NRG3: variants seen among roughly 807,000 people sequenced by gnomAD.
NRG3 encodes the protein pro-neuregulin-3, membrane-bound isoform.
A neutral mutation model predicts 66.9 loss-of-function variants in NRG3; 31 were observed. The observed-to-expected ratio is 0.46, with a 90% CI of 0.35 to 0.63. The LOEUF is 0.63. NRG3 is among the 20% of genes least tolerant of loss of function. The pLI is 0.00. For synonymous variants in NRG3, 393 were observed against 359.4 expected (o/e 1.09, Z -1.06); for missense variants, 910 against 878.9 (o/e 1.04, Z -0.45).
At chr10:82,725,912 A>C (rs576534615) in intron 2 of NRG3, among the ~76,000 whole-genome samples, 20 of 152,218 alleles carry the variant, frequency 1.3e-4, no homozygotes, top group African/African-American at 4.8e-4. Context: ...ACTGCTATTC[A>C]CACGGTGAAG....
intron 1 of NRG3, among the ~76,000 whole-genome samples, chr10:81,876,850 C>A (rs987511769): frequency 6.6e-6 from 1 of 152,016 alleles, no homozygotes; most frequent in African/African-American, 2.4e-5. Context: ...ATTCTGTGAC[C>A]GCCGAGAGTG....
intron 1 of NRG3, among the ~76,000 whole-genome samples, chr10:82,261,495 C>T (rs754148039): frequency 3.3e-5 from 5 of 152,046 alleles, no homozygotes; most frequent in African/African-American, 9.7e-5. Flanking sequence ...CTTAACCCAG[C>T]GGCGCTAGAG....
chr10:82,057,438 G>A (rs1480652905), intron 1 of NRG3, among the ~76,000 whole-genome samples: 9 of 151,876 alleles, frequency 5.9e-5, no homozygotes, highest in Non-Finnish European at 1.3e-4. Flanking sequence ...CTGCCTACAC[G>A]TATACATGGC....
chr10:82,196,998 A>G (rs2074485310), intron 1 of NRG3, among the ~76,000 whole-genome samples: 1 of 152,320 alleles, frequency 6.6e-6, no homozygotes, highest in East Asian at 1.9e-4. Flanking sequence ...GTGAGTAGAA[A>G]TAGAAGCCAG....
At chr10:82,823,749 T>A (rs1468444989) in intron 3 of NRG3, among the ~76,000 whole-genome samples, 1 of 152,132 alleles carries the variant, frequency 6.6e-6, no homozygotes, top group Admixed American at 6.5e-5. Context: ...AATTTTATCT[T>A]CAGAGTAACC....
chr10:82,174,526 T>A lies in NRG3; in HGVS notation c.824-184213T>A, dbSNP rs543509994. Among the ~76,000 whole-genome samples the A allele has an allele frequency of 7.0e-4, 107 of 152,158 alleles. 2 individuals carry two copies. In the South Asian group the frequency reaches 0.022, roughly 31 times the overall value. On this transcript the variant is annotated intron_variant, in intron 1 of 8. Transcript: ENST00000372141. ...CTTCTGTTTGTTTTAAGTTTAGAAATCCCACCTGTATTCAAGATCTCATTC... is the reference window on the plus strand; with the variant it reads ...CTTCTGTTTGTTTTAAGTTTAGAAAACCCACCTGTATTCAAGATCTCATTC...
chr10:82,698,457 A>G (rs548182950), intron 2 of NRG3, among the ~76,000 whole-genome samples: 1 of 152,324 alleles, frequency 6.6e-6, no homozygotes, highest in Admixed American at 6.5e-5. Context: ...AAATAATACC[A>G]TGATAAAATA....
In NRG3 at chr10:82,659,115, G is replaced by A. The variant is rs1358159612; in HGVS notation, c.954-79462G>A. Among the ~76,000 whole-genome samples, 6 of 152,206 alleles carry A rather than the reference G, an allele frequency of 3.9e-5. No homozygotes were observed. In the East Asian group the frequency reaches 7.7e-4, roughly 20 times the overall value. On this transcript the variant is annotated intron_variant, in intron 2 of 8. Transcript: ENST00000372141. ...GAAATCTGGGAGTGGATTTATTACC[G>A]GAGACATAAGGAAAGAAATATAATA... is the stretch of plus-strand genomic sequence containing the variant.
intron 1 of NRG3, among the ~76,000 whole-genome samples, chr10:82,345,862 G>T (rs2082984907): frequency 1.3e-5 from 2 of 151,250 alleles, no homozygotes; most frequent in African/African-American, 4.8e-5. Context: ...TTGGCTCTCT[G>T]TTTATCTGTT....
chr10:82,269,875 G>T (rs1009372937), intron 1 of NRG3, among the ~76,000 whole-genome samples: 7 of 152,176 alleles, frequency 4.6e-5, no homozygotes, highest in African/African-American at 1.7e-4. Context: ...CGGATTTCCT[G>T]CACAAGTCTG....
chr10:82,113,398 A>G (rs1263915712), intron 1 of NRG3, among the ~76,000 whole-genome samples: 1 of 152,196 alleles, frequency 6.6e-6, no homozygotes, highest in East Asian at 1.9e-4. Context: ...GATGGAGACC[A>G]TGCCAAACAT....
chr10:82,540,130 G>GT (rs1458277256), intron 2 of NRG3, among the ~76,000 whole-genome samples: 8 of 150,056 alleles, frequency 5.3e-5, no homozygotes, highest in Admixed American at 3.3e-4. Context: ...TTGCTGCTTT[G>GT]TTTTTTTCAG....
At chr10:82,690,988 TCTC>T (rs1309672433) in intron 2 of NRG3, among the ~76,000 whole-genome samples, 1 of 152,150 alleles carries the variant, frequency 6.6e-6, no homozygotes, top group African/African-American at 2.4e-5. Flanking sequence ...TTCTCCTTCT[TCTC>T]CTCCTCTTTC....
At chr10:82,967,073 G>A (rs1415438001) in intron 6 of NRG3, among the ~76,000 whole-genome samples, 1 of 151,210 alleles carries the variant, frequency 6.6e-6, no homozygotes, top group Non-Finnish European at 1.5e-5. Flanking sequence ...GAAGCTAGGT[G>A]TGTATGTTAT....
chr10:82,867,986 T>G (rs986672158), intron 4 of NRG3, among the ~76,000 whole-genome samples: 1 of 152,130 alleles, frequency 6.6e-6, no homozygotes, highest in Non-Finnish European at 1.5e-5. Flanking sequence ...GCCCCACTAG[T>G]CTGTGGTGAT....
chr10:82,886,281 C>G (rs549407359), intron 4 of NRG3, among the ~76,000 whole-genome samples: 95 of 140,418 alleles, frequency 6.8e-4, no homozygotes, highest in Admixed American at 6.3e-3. Context: ...CATATGCCCT[C>G]AATTTCCCTT....
chr10:82,038,299 C>T (rs909644335), intron 1 of NRG3, among the ~76,000 whole-genome samples: 5 of 152,100 alleles, frequency 3.3e-5, no homozygotes, highest in African/African-American at 4.8e-5. Flanking sequence ...TGTCTATACA[C>T]GGGATCACAT....
intron 4 of NRG3, among the ~76,000 whole-genome samples, chr10:82,894,124 A>G (rs1010644235): frequency 1.3e-5 from 2 of 152,236 alleles, no homozygotes; most frequent in Non-Finnish European, 2.9e-5. Context: ...TGCATGGCAT[A>G]ACCTTAAAGA....
intron 1 of NRG3, among the ~76,000 whole-genome samples, chr10:82,064,412 C>A (rs1388208830): frequency 6.6e-6 from 1 of 151,672 alleles, no homozygotes; most frequent in East Asian, 1.9e-4. Flanking sequence ...AAATCCCATT[C>A]ACTAATCATT....
Sources: gnomAD v4.1 joint callset for allele counts (sites outside exome capture counted in the v4.1 genomes callset) on GRCh38, gnomAD v4.1.1 for gene constraint, MANE v1.5 for transcripts, NCBI Gene and HGNC (gene_info 2026-07-23, HGNC 2026-07-21) for gene names.